DOCK1: variants seen among roughly 807,000 people sequenced by gnomAD.
The protein encoded by DOCK1 is dedicator of cytokinesis 1.
A neutral mutation model predicts 262.7 loss-of-function variants in DOCK1; 138 were observed. That is an observed-to-expected ratio of 0.53 (90% confidence interval 0.46 to 0.61). DOCK1 has a LOEUF of 0.61. DOCK1 is among the 20% of genes least tolerant of loss of function. DOCK1 has a pLI of 0.00. For missense variants in DOCK1, 1,908 were observed against 2,370.7 expected, an observed-to-expected ratio of 0.80 and a Z score of 4.05; for synonymous variants, 866 against 867.4, an observed-to-expected ratio of 1.00 and a Z score of 0.03.
chr10:126,997,272 G>A (rs1417532284), intron 7 of DOCK1, among the ~76,000 whole-genome samples: 8 of 152,078 alleles, frequency 5.3e-5, no homozygotes, highest in Non-Finnish European at 1.0e-4. Flanking sequence ...ATCTTTAATG[G>A]TATCATGTAT....
chr10:127,186,278 G>C (rs1023721750), intron 27 of DOCK1, among the ~76,000 whole-genome samples: 1 of 152,172 alleles, frequency 6.6e-6, no homozygotes, highest in African/African-American at 2.4e-5. Context: ...TTGCTGGGGA[G>C]GCCTCAAGAA....
rs760407001 is a variant in DOCK1 at position 127,000,311 on chromosome 10, ATC to A, written c.985+6_985+7del. On this transcript the variant is annotated splice_donor_5th_base_variant and intron_variant, in intron 10 of 51. Transcript: ENST00000623213. ...CGGCGACCTTTTGGAGTGGCTGGTAATCTATTTCTCTGTGTTTCCTTGAGAGT... is the reference window on the plus strand; with the variant it reads ...CGGCGACCTTTTGGAGTGGCTGGTAATATTTCTCTGTGTTTCCTTGAGAGT... 4.3e-6 allele frequency: 7 copies of A among 1,613,352 alleles called. No individual in the cohort carries two copies. The East Asian group carries it at 1.6e-4, about 36-fold the overall frequency.
intron 22 of DOCK1, among the ~76,000 whole-genome samples, chr10:127,057,622 A>G (rs1294771656): frequency 1.3e-5 from 2 of 152,176 alleles, no homozygotes; most frequent in African/African-American, 4.8e-5. Flanking sequence ...GCACTTCTCT[A>G]CTGGTTTTTG....
At chr10:127,148,552 G>A (rs959913404) in intron 27 of DOCK1, among the ~76,000 whole-genome samples, 1 of 152,154 alleles carries the variant, frequency 6.6e-6, no homozygotes, top group African/African-American at 2.4e-5. Flanking sequence ...TTTCAGCGAA[G>A]GAGAGAATGG....
At chr10:127,006,903 G>C (rs889679797) in intron 10 of DOCK1, among the ~76,000 whole-genome samples, 2 of 152,162 alleles carry the variant, frequency 1.3e-5, no homozygotes, top group African/African-American at 4.8e-5. Flanking sequence ...AGACTCCCTT[G>C]GTTCTGGCTC....
At chr10:127,427,409 C>A (rs2068889613) in intron 47 of DOCK1, among the ~76,000 whole-genome samples, 1 of 152,170 alleles carries the variant, frequency 6.6e-6, no homozygotes, top group Admixed American at 6.5e-5. Flanking sequence ...TTCTTTGACA[C>A]ATTGATCTCA....
chr10:127,433,188 G>A (rs2069419168), intron 47 of DOCK1, 95 bp from the exon 48 acceptor site: 6 of 1,520,142 alleles, frequency 3.9e-6, no homozygotes, highest in South Asian at 1.2e-5. Context: ...TGATGGTCTC[G>A]ATTCCACACA....
chr10:127,397,240 G>A (rs2066929676), intron 38 of DOCK1, among the ~76,000 whole-genome samples: 1 of 141,498 alleles, frequency 7.1e-6, no homozygotes, highest in Non-Finnish European at 1.5e-5. Flanking sequence ...ACTCCTATGT[G>A]ATCTGAGCAT....
chr10:127,043,586 G>A (rs1284116565), intron 21 of DOCK1, among the ~76,000 whole-genome samples: 1 of 152,210 alleles, frequency 6.6e-6, no homozygotes, highest in Non-Finnish European at 1.5e-5. Flanking sequence ...GTATCTCCTT[G>A]CTCTTTAAAG....
At chr10:127,272,884 C>T (rs1331123790) in intron 29 of DOCK1, among the ~76,000 whole-genome samples, 1 of 152,184 alleles carries the variant, frequency 6.6e-6, no homozygotes, top group Non-Finnish European at 1.5e-5. Flanking sequence ...TCTTGTGAGA[C>T]ATTCACTATC....
At chr10:127,127,064 G>GA (rs1359776561) in intron 26 of DOCK1, among the ~76,000 whole-genome samples, 1 of 152,168 alleles carries the variant, frequency 6.6e-6, no homozygotes, top group Admixed American at 6.5e-5. Flanking sequence ...CTTGGGGTAA[G>GA]AGCTTGTATG....
At chr10:126,940,368 C>T (rs1005831651) in intron 1 of DOCK1, among the ~76,000 whole-genome samples, 2,343 of 152,248 alleles carry the variant, frequency 0.015, 59 homozygotes, top group African/African-American at 0.053. Context: ...TATTAGATGA[C>T]AGGAGTCTGC....
intron 31 of DOCK1, among the ~76,000 whole-genome samples, chr10:127,353,682 C>G (rs746154405): frequency 3.9e-5 from 6 of 152,224 alleles, no homozygotes; most frequent in African/African-American, 7.2e-5. Flanking sequence ...GGCGCATGGC[C>G]TCCCACGCAC....
intron 43 of DOCK1, 43 bp from the exon 44 acceptor site, chr10:127,415,109 A>G: frequency 6.3e-7 from 1 of 1,584,702 alleles, no homozygotes; most frequent in Non-Finnish European, 8.6e-7. Flanking sequence ...CCACCTGCTG[A>G]CATCCTTCTA....
At chr10:127,371,981 A>T (rs990910557) in intron 33 of DOCK1, among the ~76,000 whole-genome samples, 1 of 152,240 alleles carries the variant, frequency 6.6e-6, no homozygotes, top group African/African-American at 2.4e-5. Flanking sequence ...TCCTTCTTCA[A>T]TAGAACCATC....
At chr10:127,386,858 A>G (rs1035335631) in intron 38 of DOCK1, among the ~76,000 whole-genome samples, 1 of 152,158 alleles carries the variant, frequency 6.6e-6, no homozygotes. Flanking sequence ...GGAACAGGAT[A>G]TATTTTTGTT....
chr10:127,247,937 T>G (rs769774893), intron 27 of DOCK1, 71 bp from the exon 28 acceptor site: 5 of 1,463,458 alleles, frequency 3.4e-6, no homozygotes, highest in Non-Finnish European at 4.7e-6. Flanking sequence ...TCCCAGAATC[T>G]GGGATGATTT....
At chr10:127,202,908 A>G (rs533253495) in intron 27 of DOCK1, among the ~76,000 whole-genome samples, 135 of 152,268 alleles carry the variant, frequency 8.9e-4, no homozygotes, top group African/African-American at 2.7e-3. Context: ...AAAAATGCCA[A>G]CTGCTCATGC....
rs370406091 is a variant in DOCK1, at chr10:127,381,366, A to G, written c.3805A>G (p.Lys1269Glu). The G allele has an allele frequency of 1.4e-5, 23 of 1,609,866 alleles. No homozygotes were observed. Among genetic ancestry groups the G allele is most frequent in the African/African-American group, 6.7e-5 (5 of 74,886 alleles). Reference sequence around the variant, plus strand: ...CTTGCTTCTCCATGCAAAGCTTCTTAAGGTAATGTCAATTACCAGTCACCT... The same window carrying G: ...CTTGCTTCTCCATGCAAAGCTTCTTGAGGTAATGTCAATTACCAGTCACCT... The part of the protein sequence containing the change: ...YTLLLHAKLL[K>E]WSEDVCVAHL... The change falls in exon 37 of 52, where the codon AAG (lysine) becomes GAG (glutamate). Residue 1269 changes from lysine (K) to glutamate (E), a missense_variant and splice_region_variant. By Grantham distance (56) the Lys-to-Glu change is moderately conservative. Around this residue, in one of 9 missense-constraint regions of DOCK1, gnomAD observed 267 missense variants for 366.3 expected, o/e 0.73. Transcript: ENST00000623213.
Sources: gnomAD v4.1 joint callset for allele counts (sites outside exome capture counted in the v4.1 genomes callset) on GRCh38, gnomAD v4.1.1 for gene constraint, gnomAD v4.1.1 regional missense constraint, MANE v1.5 for transcripts, NCBI Gene and HGNC (gene_info 2026-07-23, HGNC 2026-07-21) for gene names.